The following TRIM71 variants were observed in gnomAD, a reference collection of about 807,000 sequenced individuals.
TRIM71 encodes E3 ubiquitin-protein ligase TRIM71.
Under a neutral mutation model 61.2 loss-of-function variants are expected in TRIM71, and 9 were observed. The observed-to-expected ratio is 0.15, with a 90% CI of 0.09 to 0.26. The LOEUF (loss-of-function observed/expected upper bound fraction) is 0.26, where lower values mean the gene tolerates loss of function less well. Among genes scored for constraint, TRIM71 ranks in the 10% least tolerant of loss-of-function variants. TRIM71 has a pLI of 1.00. For missense variants in TRIM71, 998 were observed against 1,238.7 expected (o/e 0.81, Z 2.92); for synonymous variants, 645 against 553.2 (o/e 1.17, Z -2.33).
In TRIM71 at chr3:32,895,193, A is replaced by G. The variant is rs957992998; in HGVS notation, c.*3382A>G. 4 of 152,218 alleles carry G rather than the reference A, an allele frequency of 2.6e-5. No individual in the cohort carries two copies. Among genetic ancestry groups the G allele is most frequent in the African/African-American group, 7.2e-5 (3 of 41,466 alleles). The allele number at this position is 152,218 out of a possible 1,614,324, so 9.4% of individuals were successfully genotyped here. A position where few individuals can be genotyped will look rare whatever the true frequency, so the allele number is the denominator to read the frequency against. ...GAACATGTGCCCTGTTGTGGCTGCA[A>G]GTGGCACTCAAGTTGACTAGAGCAC... On this transcript the variant is annotated 3_prime_UTR_variant, in exon 4 of 4. Coordinates refer to ENST00000383763, the MANE Select transcript of TRIM71 (RefSeq NM_001039111.3).
intron 1 of TRIM71, among the ~76,000 whole-genome samples, chr3:32,862,434 G>A (rs1361038488): frequency 1.3e-5 from 2 of 152,196 alleles, no homozygotes; most frequent in Non-Finnish European, 2.9e-5. Context: ...ATGGGTGATT[G>A]AAACCTACTT....
Position 32,891,902 on chromosome 3 carries a change from A to G in TRIM71, c.*91A>G, listed in dbSNP as rs1697031035. 6.7e-7 allele frequency: 1 copy of G among 1,498,778 alleles called. No homozygotes were observed. Among genetic ancestry groups the G allele is most frequent in the East Asian group, 2.4e-5 (1 of 42,276 alleles). 92.8% of individuals were successfully genotyped at this position (1,498,778 alleles called of 1,614,324 possible). On this transcript the variant is annotated 3_prime_UTR_variant, in exon 4 of 4. Transcript: ENST00000383763. This position sits in a 1 kb window ranked among gnomAD's most constrained non-coding sequence, Gnocchi z 8.2. ...TCTTTCTCTCTCTTTTTGAATTTCA[A>G]AGAAGAAACAGTCTCAGGGAAATTT...
intron 1 of TRIM71, among the ~76,000 whole-genome samples, chr3:32,839,715 G>A (rs1420006005): frequency 6.6e-6 from 1 of 151,946 alleles, no homozygotes; most frequent in African/African-American, 2.4e-5. Context: ...GGCACTAGCA[G>A]GGTTCAGAAT....
rs1182178339 is a variant in TRIM71, at chr3:32,833,184, T to TAAAAAAAAAAAAAAAAAAAAAAAAAAAAA, written c.852+14280_852+14281insAAAAAAAAAAAAAAAAAAAAAAAAAAAAA. On this transcript the variant is annotated intron_variant, in intron 1 of 3. Transcript: ENST00000383763. The stretch of plus-strand genomic sequence containing the variant: ...GGTGACAAGAATGAAACTCTGTCTT[T>TAAAAAAAAAAAAAAAAAAAAAAAAAAAAA]AAAAAAAAAAAAAAAAAAAAAAAAA... 2.2e-4 allele frequency among the ~76,000 whole-genome samples: 12 copies of TAAAAAAAAAAAAAAAAAAAAAAAAAAAAA among 54,430 alleles called. 1 individual carries two copies. Among genetic ancestry groups the TAAAAAAAAAAAAAAAAAAAAAAAAAAAAA allele is most frequent in the East Asian group, 1.7e-3 (2 of 1,158 alleles). The allele number at this position is 54,430 out of a possible 152,430, so 35.7% of individuals were successfully genotyped here. A position where few individuals can be genotyped will look rare whatever the true frequency, so the allele number is the denominator to read the frequency against.
intron 1 of TRIM71, among the ~76,000 whole-genome samples, chr3:32,851,361 T>A (rs1023082543): frequency 3.9e-5 from 6 of 152,218 alleles, no homozygotes; most frequent in African/African-American, 1.4e-4. Context: ...ATTCACTGAT[T>A]GGTATATTTC....
intron 1 of TRIM71, among the ~76,000 whole-genome samples, chr3:32,872,567 T>C (rs1355926196): frequency 6.6e-6 from 1 of 152,238 alleles, no homozygotes; most frequent in Non-Finnish European, 1.5e-5. Context: ...CACAACACTC[T>C]GCCTTGCTTC....
At chr3:32,842,422 G>C (rs1240711546) in intron 1 of TRIM71, among the ~76,000 whole-genome samples, 1 of 152,190 alleles carries the variant, frequency 6.6e-6, no homozygotes. Flanking sequence ...AGTAAAAATT[G>C]AGTATGATGG....
At chr3:32,860,618 T>C (rs557085664) in intron 1 of TRIM71, among the ~76,000 whole-genome samples, 84 of 152,320 alleles carry the variant, frequency 5.5e-4, no homozygotes, top group African/African-American at 1.9e-3. Flanking sequence ...GGAGTTTCTC[T>C]TGGGGAGGTG....
chr3:32,824,913 G>A lies in TRIM71; in HGVS notation c.852+5981G>A, dbSNP rs549120347. 4.5e-4 allele frequency among the ~76,000 whole-genome samples: 69 copies of A among 152,212 alleles called. 2 individuals carry two copies. The South Asian group carries it at 0.011, about 23-fold the overall frequency. The stretch of plus-strand genomic sequence containing the variant: ...TGGTTCAAGCAATTCTTCAGCCTCA[G>A]CCTCCCAAGTAGCTGGGACTACAGT... On this transcript the variant is annotated intron_variant, in intron 1 of 3. Coordinates refer to ENST00000383763, the MANE Select transcript of TRIM71 (RefSeq NM_001039111.3).
chr3:32,870,521 T>C (rs1044814117), intron 1 of TRIM71, among the ~76,000 whole-genome samples: 1 of 152,086 alleles, frequency 6.6e-6, no homozygotes, highest in Non-Finnish European at 1.5e-5. Flanking sequence ...TTCATTTGTA[T>C]ATCTGGGCTC....
chr3:32,877,589 C>A (rs1352681487), intron 2 of TRIM71, among the ~76,000 whole-genome samples: 3 of 152,030 alleles, frequency 2.0e-5, no homozygotes, highest in Non-Finnish European at 4.4e-5. Context: ...AAACTCCTGG[C>A]TTCATGCGAT....
At chr3:32,884,450 C>T (rs1054238840) in intron 2 of TRIM71, among the ~76,000 whole-genome samples, 1 of 151,534 alleles carries the variant, frequency 6.6e-6, no homozygotes, top group African/African-American at 2.4e-5. Flanking sequence ...ATAATGCCAG[C>T]ACTTTTGGAG....
At chr3:32,873,061 CTT>C (rs1696813718) in intron 1 of TRIM71, among the ~76,000 whole-genome samples, 2 of 61,690 alleles carry the variant, frequency 3.2e-5, no homozygotes, top group African/African-American at 4.4e-5. Flanking sequence ...CCTTCTCTCT[CTT>C]CCTCCCTCCC....
chr3:32,889,201 T>C (rs1696995567), intron 3 of TRIM71, among the ~76,000 whole-genome samples: 1 of 152,236 alleles, frequency 6.6e-6, no homozygotes, highest in Non-Finnish European at 1.5e-5. Context: ...GTACCTCCAA[T>C]GCCTGGCAAA....
chr3:32,893,616 T>TG lies in TRIM71; in HGVS notation c.*1806dup, dbSNP rs1697049983. 1 of 152,228 alleles carries TG rather than the reference T, an allele frequency of 6.6e-6. No individual in the cohort carries two copies. The highest frequency in any genetic ancestry group is 2.4e-5 in the African/African-American group (1 of 41,452). 9.4% of individuals were successfully genotyped at this position (152,228 alleles called of 1,614,324 possible). A position where few individuals can be genotyped will look rare whatever the true frequency, so the allele number is the denominator to read the frequency against. On this transcript the variant is annotated 3_prime_UTR_variant, in exon 4 of 4. Transcript: ENST00000383763. Reference sequence around the variant, plus strand: ...ACTTATGGATCAACTTCTGTTCCTCTGTTTAAGAGAAATTTCTATTGCAAA... The same window carrying TG: ...ACTTATGGATCAACTTCTGTTCCTCTGGTTTAAGAGAAATTTCTATTGCAAA...
intron 1 of TRIM71, among the ~76,000 whole-genome samples, chr3:32,856,541 G>A (rs2125683556): frequency 6.6e-6 from 1 of 152,290 alleles, no homozygotes; most frequent in South Asian, 2.1e-4. Flanking sequence ...TTAAAAATAG[G>A]ACCTCTGTTG....
At chr3:32,852,769 A>AC (rs11396340) in intron 1 of TRIM71, among the ~76,000 whole-genome samples, 36,160 of 148,942 alleles carry the variant, frequency 0.24, 4,694 homozygotes, top group African/African-American at 0.35. Flanking sequence ...TAAAAAAAAA[A>AC]AAAAACAAAA....
intron 1 of TRIM71, among the ~76,000 whole-genome samples, chr3:32,865,512 C>T (rs1173209949): frequency 1.3e-5 from 2 of 152,146 alleles, no homozygotes; most frequent in Admixed American, 6.6e-5. Flanking sequence ...TCTGACTCTG[C>T]CAAAACTGGT....
chr3:32,841,113 C>T (rs1306885141), intron 1 of TRIM71, among the ~76,000 whole-genome samples: 2 of 151,930 alleles, frequency 1.3e-5, no homozygotes, highest in African/African-American at 2.4e-5. Flanking sequence ...GGCGTGGTGG[C>T]GGTCGCCTGT....
Sources: gnomAD v4.1 joint callset for allele counts (sites outside exome capture counted in the v4.1 genomes callset) on GRCh38, gnomAD v4.1.1 for gene constraint, Gnocchi (gnomAD v3.1) non-coding constraint, MANE v1.5 for transcripts, NCBI Gene and HGNC (gene_info 2026-07-23, HGNC 2026-07-21) for gene names.